Variants in S100A1 observed in about 807,000 individuals in gnomAD.
S100A1 encodes S100 calcium binding protein A1.
A neutral mutation model predicts 7.6 loss-of-function variants in S100A1; 3 were observed. That is an observed-to-expected ratio of 0.40 (90% confidence interval 0.18 to 1.02). The LOEUF is 1.02. Among genes scored for constraint, S100A1 ranks in the 50% least tolerant of loss-of-function variants. The pLI, the probability that S100A1 is intolerant of heterozygous loss-of-function variation, is 0.35. For missense variants in S100A1, 126 were observed against 115.0 expected, an observed-to-expected ratio of 1.10 and a Z score of -0.44; for synonymous variants, 49 against 49.0, an observed-to-expected ratio of 1.00 and a Z score of 0.00.
Position 153,628,456 on chromosome 1 carries a change from A to G in S100A1, c.-54A>G, listed in dbSNP as rs1437964780. ...AGCAGCCACATTTGCAACCTTGGCC[A>G]TCTGTCCAGAACCTGCTCCCACCTC... On this transcript the variant is annotated 5_prime_UTR_variant, in exon 1 of 3. Transcript: ENST00000292169. 4 of 1,550,592 alleles carry G rather than the reference A, an allele frequency of 2.6e-6. No homozygotes were observed. Among genetic ancestry groups the G allele is most frequent in the Non-Finnish European group, 3.5e-6 (4 of 1,146,996 alleles).
chr1:153,630,714 G>T (rs1183412433), intron 2 of S100A1, 52 bp downstream of exon 2: 2 of 1,597,980 alleles, frequency 1.3e-6, no homozygotes, highest in African/African-American at 2.7e-5. Flanking sequence ...TTGGGGGAAT[G>T]GGGTGGACAC....
At chr1:153,630,687 A>C in intron 2 of S100A1, 25 bp downstream of exon 2, 3 of 1,612,020 alleles carry the variant, frequency 1.9e-6, no homozygotes, top group Non-Finnish European at 2.5e-6. Context: ...GTGGAGTGGG[A>C]GTGGAGTGGG....
intron 1 of S100A1, chr1:153,630,143 C>T (rs547960939): frequency 8.4e-6 from 3 of 358,964 alleles, no homozygotes; most frequent in African/African-American, 4.1e-5. Context: ...CCAGAGGAAG[C>T]ATGGCCCAGT....
chr1:153,630,787 C>A, intron 2 of S100A1, 125 bp downstream of exon 2: 2 of 1,315,292 alleles, frequency 1.5e-6, no homozygotes, highest in African/African-American at 1.5e-5. Context: ...CTTTCCCAGG[C>A]TTCTCTCCTG....
At chr1:153,630,900 GAC>G (rs575763503) in intron 2 of S100A1, 330 of 520,862 alleles carry the variant, frequency 6.3e-4, no homozygotes, top group African/African-American at 5.9e-3. Context: ...TCAATAATAA[GAC>G]ACACAGACTT....
At position 153,631,678 on chromosome 1, in the gene S100A1, T is replaced by C; in HGVS notation, c.142-20T>C. On this transcript the variant is annotated intron_variant, in intron 2 of 2. Coordinates refer to ENST00000292169, the MANE Select transcript of S100A1 (RefSeq NM_006271.2). ...GTACCCTTCCCTATACACCTCCCTC[T>C]TCCTCTCCTCCCACCACAGGCCCAG... The C allele has an allele frequency of 6.2e-7, 1 of 1,614,058 alleles. No homozygotes were observed. The highest frequency in any genetic ancestry group is 8.5e-7 in the Non-Finnish European group (1 of 1,179,956).
intron 1 of S100A1, 172 bp downstream of exon 1, chr1:153,628,668 G>A (rs1667820123): frequency 8.8e-7 from 1 of 1,140,708 alleles, no homozygotes; most frequent in African/African-American, 1.6e-5. Flanking sequence ...GGTTTGGAAG[G>A]TGGTGATGAG....
intron 2 of S100A1, chr1:153,631,484 C>T: frequency 3.1e-6 from 5 of 1,604,142 alleles, no homozygotes; most frequent in Admixed American, 1.7e-5. Flanking sequence ...CATACGGTAA[C>T]TGGTGTCATT....
At chr1:153,630,455 C>T in intron 1 of S100A1, 54 bp from the exon 2 acceptor site, 3 of 1,593,070 alleles carry the variant, frequency 1.9e-6, no homozygotes, top group South Asian at 2.3e-5. Flanking sequence ...CTCACCTAGA[C>T]CCCAGGTACT....
Position 153,631,792 on chromosome 1 carries a change from T to C in S100A1, c.236T>C (p.Val79Ala), listed in dbSNP as rs763994438. The C allele has an allele frequency of 2.2e-5, 36 of 1,614,222 alleles. No individual in the cohort carries two copies. The highest frequency in any genetic ancestry group is 7.7e-5 in the South Asian group (7 of 91,084). The change falls in exon 3 of 3, where the codon GTG (valine) becomes GCG (alanine). Residue 79 changes from valine (V) to alanine (A), a missense_variant. Coordinates refer to ENST00000292169, the MANE Select transcript of S100A1 (RefSeq NM_006271.2). ...GACTTCCAGGAGTATGTGGTGCTTG[T>C]GGCTGCTCTCACAGTGGCCTGTAAC... ...EVDFQEYVVL[V>A]AALTVACNNF...
In S100A1 at chr1:153,630,575, C is replaced by T. The variant is rs1414713081; in HGVS notation, c.54C>T (p.Ala18=). 6.2e-7 allele frequency: 1 copy of T among 1,614,246 alleles called. No individual in the cohort carries two copies. The highest frequency in any genetic ancestry group is 8.5e-7 in the Non-Finnish European group (1 of 1,180,048). Residue 18 remains alanine, a synonymous_variant, in exon 2 of 3, where the codon GCC becomes GCT. Transcript: ENST00000292169. ...AMETLINVFH[A]HSGKEGDKYK... is the part of the protein sequence containing the mutation. Reference sequence around the variant, plus strand: ...AGACCCTCATCAACGTGTTCCACGCCCACTCGGGCAAAGAGGGGGACAAGT... The same window carrying T: ...AGACCCTCATCAACGTGTTCCACGCTCACTCGGGCAAAGAGGGGGACAAGT...
chr1:153,631,946 T>TGCCCACCCCACCCCCACCCC lies in S100A1; in HGVS notation c.*105_*106insGCCCACCCCACCCCCACCCC, dbSNP rs1264868421. 8 of 1,338,294 alleles carry TGCCCACCCCACCCCCACCCC rather than the reference T, an allele frequency of 6.0e-6. No homozygotes were observed. Among genetic ancestry groups the TGCCCACCCCACCCCCACCCC allele is most frequent in the South Asian group, 1.4e-5 (1 of 71,850 alleles). 82.9% of individuals were successfully genotyped at this position (1,338,294 alleles called of 1,614,324 possible). A position where few individuals can be genotyped will look rare whatever the true frequency, so the allele number is the denominator to read the frequency against. ...CTTATCCCTCTCCATAACCCCACCC[T>TGCCCACCCCACCCCCACCCC]TGCCCACCCCACCCCCACCCCCACC... On this transcript the variant is annotated 3_prime_UTR_variant, in exon 3 of 3. Coordinates refer to ENST00000292169, the MANE Select transcript of S100A1 (RefSeq NM_006271.2).
In S100A1 at chr1:153,628,544, G is replaced by T. The variant is rs932678091; in HGVS notation, c.-14+48G>T. The T allele has an allele frequency of 5.8e-6, 9 of 1,548,192 alleles. No individual in the cohort carries two copies. The African/African-American group carries it at 9.6e-5, about 16-fold the overall frequency. ...CTAGTCCCTGGCCTGCCAGCTTCAG[G>T]GAGAGGGGTCTTCAGAAGGGCTCCA... On this transcript the variant is annotated intron_variant, in intron 1 of 2. Coordinates refer to ENST00000292169, the MANE Select transcript of S100A1 (RefSeq NM_006271.2).
Position 153,631,789 on chromosome 1 carries a change from T to C in S100A1, c.233T>C (p.Leu78Pro). ...GEVDFQEYVV[L>P]VAALTVACNN... ...GTGGACTTCCAGGAGTATGTGGTGC[T>C]TGTGGCTGCTCTCACAGTGGCCTGT... Residue 78 changes from leucine (L) to proline (P), a missense_variant, in exon 3 of 3, where the codon CTT becomes CCT. Physicochemically the swap from Leu to Pro is moderately conservative, Grantham distance 98. Transcript: ENST00000292169. The C allele has an allele frequency of 3.1e-6, 5 of 1,614,206 alleles. No individual in the cohort carries two copies. Among genetic ancestry groups the C allele is most frequent in the Non-Finnish European group, 4.2e-6 (5 of 1,180,034 alleles).
intron 1 of S100A1, chr1:153,629,544 CTT>C (rs999470274): frequency 6.6e-6 from 1 of 152,348 alleles, no homozygotes; most frequent in African/African-American, 2.4e-5. Context: ...GCTTGGCAGT[CTT>C]CTCTCTCAAC....
chr1:153,632,005 T>C lies in S100A1; in HGVS notation c.*164T>C. On this transcript the variant is annotated 3_prime_UTR_variant, in exon 3 of 3. Transcript: ENST00000292169. Reference sequence around the variant, plus strand: ...AAGAGTAGCGGTCCAAGCCTGCAACTCATCTTTCATTAAAGGCTTCTCTCT... The same window carrying C: ...AAGAGTAGCGGTCCAAGCCTGCAACCCATCTTTCATTAAAGGCTTCTCTCT... 4.5e-6 allele frequency: 3 copies of C among 666,018 alleles called. No homozygotes were observed. The highest frequency in any genetic ancestry group is 7.1e-6 in the Non-Finnish European group (3 of 423,166). The allele number at this position is 666,018 out of a possible 1,614,324, so 41.3% of individuals were successfully genotyped here.
chr1:153,628,550 G>A, intron 1 of S100A1, 54 bp downstream of exon 1: 1 of 1,546,864 alleles, frequency 6.5e-7, no homozygotes, highest in Non-Finnish European at 8.7e-7. Flanking sequence ...TCAGGGAGAG[G>A]GGTCTTCAGA....
intron 1 of S100A1, 61 bp downstream of exon 1, chr1:153,628,557 C>G: frequency 6.5e-7 from 1 of 1,543,456 alleles, no homozygotes; most frequent in Non-Finnish European, 8.7e-7. Context: ...GAGGGGTCTT[C>G]AGAAGGGCTC....
At chr1:153,630,735 T>TCTC in intron 2 of S100A1, 73 bp downstream of exon 2, 1 of 1,559,850 alleles carries the variant, frequency 6.4e-7, no homozygotes, top group Non-Finnish European at 8.7e-7. Flanking sequence ...CCCCTTGCTA[T>TCTC]CTCCCCACCC....
Sources: allele counts gnomAD v4.1 joint callset, GRCh38; gene constraint gnomAD v4.1.1; transcripts MANE v1.5; gene names NCBI Gene and HGNC (gene_info 2026-07-23, HGNC 2026-07-21).